YPEL1: variants seen among roughly 807,000 people sequenced by gnomAD.
YPEL1 encodes yippee like 1, also known as protein yippee-like 1.
YPEL1 carries 7 observed loss-of-function variants against 17.3 expected under a neutral mutation model. That is an observed-to-expected ratio of 0.40 (90% CI 0.23 to 0.76). The LOEUF (loss-of-function observed/expected upper bound fraction) is 0.76, where lower values mean the gene tolerates loss of function less well. Ranked by LOEUF, YPEL1 falls within the 30% of genes least tolerant of loss-of-function variation. YPEL1 has a pLI of 0.35. For missense variants in YPEL1, 91 were observed against 155.5 expected (o/e 0.59, Z 2.21); for synonymous variants, 59 against 59.6 (o/e 0.99, Z 0.05).
Position 21,710,911 on chromosome 22 carries a change from GCCAA to G in YPEL1, c.-164-7_-164-4del. ...CTGGGACGAGAGAAAAACGTAACCT[GCCAA>G]CCAATCAGACAAAGTGGTGGGTTAC... On this transcript the variant is annotated splice_region_variant and splice_polypyrimidine_tract_variant and intron_variant, in intron 1 of 4. Coordinates refer to ENST00000339468, the MANE Select transcript of YPEL1 (RefSeq NM_013313.5). The G allele has an allele frequency of 1.5e-6, 1 of 665,976 alleles. No homozygotes were observed. The highest frequency in any genetic ancestry group is 2.7e-6 in the Non-Finnish European group (1 of 368,772). 41.3% of individuals were successfully genotyped at this position (665,976 alleles called of 1,614,324 possible). A position where few individuals can be genotyped will look rare whatever the true frequency, so the allele number is the denominator to read the frequency against.
intron 2 of YPEL1, among the ~76,000 whole-genome samples, chr22:21,708,331 C>CTTTTTTTTTTTTTTTTT (rs775485136): frequency 9.8e-6 from 1 of 102,108 alleles, no homozygotes; most frequent in Admixed American, 1.2e-4. Flanking sequence ...AGGCTTCTGC[C>CTTTTTTTTTTTTTTTTT]TTTTTTTTTT....
chr22:21,728,003 C>T (rs980526569), intron 1 of YPEL1, among the ~76,000 whole-genome samples: 63 of 152,238 alleles, frequency 4.1e-4, no homozygotes, highest in African/African-American at 1.4e-3. Flanking sequence ...GTCTGCTGGG[C>T]GTGGCGATGA....
At position 21,700,844 on chromosome 22, in the gene YPEL1, G is replaced by A. The variant is rs575039231; in HGVS notation, c.*285C>T. ...ATATTGAAGACAAAGGTGAAAGGAA[G>A]ATATTAACTAGGCAGGTAAGTCATC... On this transcript the variant is annotated 3_prime_UTR_variant, in exon 5 of 5. Transcript: ENST00000339468. 6.8e-6 allele frequency: 2 copies of A among 293,950 alleles called. No individual in the cohort carries two copies. The highest frequency in any genetic ancestry group is 1.3e-4 in the East Asian group (2 of 15,690). 18.2% of individuals were successfully genotyped at this position (293,950 alleles called of 1,614,324 possible).
At chr22:21,702,295 G>C (rs1454897612) in intron 4 of YPEL1, among the ~76,000 whole-genome samples, 1 of 152,182 alleles carries the variant, frequency 6.6e-6, no homozygotes, top group Non-Finnish European at 1.5e-5. Flanking sequence ...TCTGGAAGTG[G>C]GGCCCACAGA....
intron 1 of YPEL1, among the ~76,000 whole-genome samples, chr22:21,715,945 A>G (rs1189536754): frequency 1.3e-5 from 2 of 152,102 alleles, no homozygotes; most frequent in East Asian, 3.9e-4. Flanking sequence ...TATTTTTAGT[A>G]AAGACGGGGT....
At chr22:21,715,950 C>T (rs987563964) in intron 1 of YPEL1, among the ~76,000 whole-genome samples, 15 of 152,034 alleles carry the variant, frequency 9.9e-5, no homozygotes, top group Admixed American at 4.6e-4. Context: ...TTAGTAAAGA[C>T]GGGGTTTCTC....
chr22:21,720,448 G>A lies in YPEL1; in HGVS notation c.-164-9540C>T, dbSNP rs1032136007. Among the ~76,000 whole-genome samples, 13 of 152,030 alleles carry A rather than the reference G, an allele frequency of 8.6e-5. No homozygotes were observed. In the East Asian group the frequency reaches 1.9e-3, roughly 23 times the overall value. ...ACGCCTGGGTTCAAGTGATCTAACCGCCCCAGCCTCCCAAAGTGCTGGGAT... is the reference window on the plus strand; with the variant it reads ...ACGCCTGGGTTCAAGTGATCTAACCACCCCAGCCTCCCAAAGTGCTGGGAT... On this transcript the variant is annotated intron_variant, in intron 1 of 4. Transcript: ENST00000339468.
intron 1 of YPEL1, among the ~76,000 whole-genome samples, chr22:21,727,858 G>T (rs1249618000): frequency 6.6e-6 from 1 of 152,324 alleles, no homozygotes; most frequent in East Asian, 1.9e-4. Context: ...CACCTGGCAG[G>T]TGAGTGTGGG....
In YPEL1 at chr22:21,705,737, C is replaced by T. The variant is rs996110340; in HGVS notation, c.118-1855G>A. Among the ~76,000 whole-genome samples, 5 of 152,208 alleles carry T rather than the reference C, an allele frequency of 3.3e-5. No homozygotes were observed. The Middle Eastern group carries it at 0.01, about 311-fold the overall frequency. On this transcript the variant is annotated intron_variant, in intron 2 of 4. Coordinates refer to ENST00000339468, the MANE Select transcript of YPEL1 (RefSeq NM_013313.5). ...AAACAAACAACAACAACAACAAAAA[C>T]GGGCTGAGGCAGGAGGATTGCTTGA...
intron 1 of YPEL1, among the ~76,000 whole-genome samples, chr22:21,722,739 C>A (rs1179401210): frequency 1.3e-5 from 2 of 152,152 alleles, no homozygotes; most frequent in African/African-American, 4.8e-5. Flanking sequence ...GCCCCCACCC[C>A]ACAGTCCGTA....
chr22:21,729,119 G>C (rs905575665), intron 1 of YPEL1, among the ~76,000 whole-genome samples: 3 of 150,504 alleles, frequency 2.0e-5, no homozygotes, highest in Non-Finnish European at 2.9e-5. Context: ...CTCCAGCCTG[G>C]GCAACAAGAG....
In YPEL1 at chr22:21,703,707, C is replaced by CTGG; in HGVS notation, c.161+131_161+132insCCA. ...GATCCTTAGCGCGTTTCAGAAACTC[C>CTGG]CGGCGGGGGGATGGTGGGTTCTTTC... On this transcript the variant is annotated intron_variant, in intron 3 of 4. Coordinates refer to ENST00000339468, the MANE Select transcript of YPEL1 (RefSeq NM_013313.5). This position sits in a 1 kb window ranked among gnomAD's most constrained non-coding sequence, Gnocchi z 6.1. 3.0e-6 allele frequency: 2 copies of CTGG among 660,016 alleles called. No individual in the cohort carries two copies. The highest frequency in any genetic ancestry group is 4.7e-6 in the Non-Finnish European group (2 of 430,024). 40.9% of individuals were successfully genotyped at this position (660,016 alleles called of 1,614,324 possible).
chr22:21,706,060 G>A (rs924327885), intron 2 of YPEL1, among the ~76,000 whole-genome samples: 1 of 147,654 alleles, frequency 6.8e-6, no homozygotes, highest in Admixed American at 6.8e-5. Context: ...AACCTGGGAG[G>A]GGGAGGTTGC....
chr22:21,726,188 C>T (rs5999206), intron 1 of YPEL1, among the ~76,000 whole-genome samples: 120 of 152,270 alleles, frequency 7.9e-4, no homozygotes, highest in African/African-American at 2.7e-3. Flanking sequence ...AAGAGCAGTG[C>T]ACAAGCCAGG....
chr22:21,723,874 C>T (rs182030534), intron 1 of YPEL1, among the ~76,000 whole-genome samples: 1 of 151,988 alleles, frequency 6.6e-6, no homozygotes, highest in African/African-American at 2.4e-5. Flanking sequence ...ACCATGTTGG[C>T]CAGGCTGGTC....
intron 2 of YPEL1, among the ~76,000 whole-genome samples, chr22:21,706,589 T>C (rs2068118109): frequency 6.6e-6 from 1 of 152,100 alleles, no homozygotes; most frequent in Admixed American, 6.5e-5. Flanking sequence ...ACCATGGCTG[T>C]AATCCCAGCA....
At chr22:21,708,870 T>G (rs567825879) in intron 2 of YPEL1, among the ~76,000 whole-genome samples, 1 of 151,828 alleles carries the variant, frequency 6.6e-6, no homozygotes, top group Non-Finnish European at 1.5e-5. Context: ...GGTTTCTCCA[T>G]GTTGGTCAGG....
chr22:21,727,941 G>A lies in YPEL1; in HGVS notation c.-165+7674C>T, dbSNP rs955085771. Among the ~76,000 whole-genome samples the A allele has an allele frequency of 1.8e-4, 28 of 152,174 alleles. 1 individual carries two copies. The highest frequency in any genetic ancestry group is 7.2e-4 in the Admixed American group (11 of 15,278). On this transcript the variant is annotated intron_variant, in intron 1 of 4. Coordinates refer to ENST00000339468, the MANE Select transcript of YPEL1 (RefSeq NM_013313.5). Reference sequence around the variant, plus strand: ...TGGAAAGGAGGCCTCAGGCAGATACGGAAGCCAGTGCGTCAGGGTCAGAGG... The same window carrying A: ...TGGAAAGGAGGCCTCAGGCAGATACAGAAGCCAGTGCGTCAGGGTCAGAGG...
At chr22:21,702,445 GA>G (rs1198680127) in intron 4 of YPEL1, among the ~76,000 whole-genome samples, 1 of 152,214 alleles carries the variant, frequency 6.6e-6, no homozygotes, top group Non-Finnish European at 1.5e-5. Context: ...ATTCAGGAAA[GA>G]GGCAGAGCAG....
Sources: gnomAD v4.1 joint callset for allele counts (sites outside exome capture counted in the v4.1 genomes callset) on GRCh38, gnomAD v4.1.1 for gene constraint, Gnocchi (gnomAD v3.1) non-coding constraint, MANE v1.5 for transcripts, NCBI Gene and HGNC (gene_info 2026-07-23, HGNC 2026-07-21) for gene names.